The following LPP variants were observed in gnomAD, a reference collection of about 807,000 sequenced individuals.
LPP encodes LIM domain containing preferred translocation partner in lipoma.
LPP carries 38 observed loss-of-function variants against 60.4 expected under a neutral mutation model. That is an observed-to-expected ratio of 0.63 (90% confidence interval 0.49 to 0.83). The LOEUF (loss-of-function observed/expected upper bound fraction) is 0.83. Among genes scored for constraint, LPP ranks in the 40% least tolerant of loss-of-function variants. LPP has a pLI of 0.00. For missense variants in LPP, 902 were observed against 783.6 expected (o/e 1.15, Z -1.80); for synonymous variants, 328 against 290.8 (o/e 1.13, Z -1.30).
chr3:188,564,141 A>G (rs1831518756), intron 6 of LPP, among the ~76,000 whole-genome samples: 1 of 152,022 alleles, frequency 6.6e-6, no homozygotes, highest in Non-Finnish European at 1.5e-5. Context: ...AGTGTTTTGC[A>G]TAATCAGACT....
rs149062439 is a variant in LPP at position 188,309,285 on chromosome 3, T to G, written c.-66-32378T>G. Among the ~76,000 whole-genome samples, 1,275 of 152,118 alleles carry G rather than the reference T, an allele frequency of 8.4e-3. 24 individuals carry two copies. Among genetic ancestry groups the G allele is most frequent in the East Asian group, 0.046 (239 of 5,152 alleles). ...ATCCACCTGCCTTGCCCTCCCAAAG[T>G]GCTGGGATTACAGTCATGAGCCACC... On this transcript the variant is annotated intron_variant, in intron 2 of 11. Transcript: ENST00000617246.
At chr3:188,349,977 T>A (rs1385068992) in intron 3 of LPP, among the ~76,000 whole-genome samples, 1 of 152,202 alleles carries the variant, frequency 6.6e-6, no homozygotes, top group Non-Finnish European at 1.5e-5. Flanking sequence ...TGCTGCACGT[T>A]CAGCTGGTCT....
chr3:188,779,345 G>A (rs1738860691), intron 9 of LPP, among the ~76,000 whole-genome samples: 1 of 152,136 alleles, frequency 6.6e-6, no homozygotes, highest in Non-Finnish European at 1.5e-5. Context: ...ATTGACAGTA[G>A]AAAATCAGGA....
In LPP at chr3:188,352,720, A is replaced by G. The variant is rs1312627020; in HGVS notation, c.-10+11001A>G. ...TGTTCCAGCTGCATGCACGGCACTGAGCCCTGCCTGAGTGCGCACTTCAGT... is the reference window on the plus strand; with the variant it reads ...TGTTCCAGCTGCATGCACGGCACTGGGCCCTGCCTGAGTGCGCACTTCAGT... On this transcript the variant is annotated intron_variant, in intron 3 of 11. Coordinates refer to ENST00000617246, the MANE Select transcript of LPP (RefSeq NM_001375462.1). This position sits in a 1 kb window ranked among gnomAD's most constrained non-coding sequence, Gnocchi z 4.4. Among the ~76,000 whole-genome samples, 1 of 152,024 alleles carries G rather than the reference A, an allele frequency of 6.6e-6. No individual in the cohort carries two copies. The highest frequency in any genetic ancestry group is 1.5e-5 in the Non-Finnish European group (1 of 68,024).
At position 188,349,712 on chromosome 3, in the gene LPP, A is replaced by T. The variant is rs752058813; in HGVS notation, c.-10+7993A>T. Among the ~76,000 whole-genome samples, 63 of 152,180 alleles carry T rather than the reference A, an allele frequency of 4.1e-4. 1 individual carries two copies. The highest frequency in any genetic ancestry group is 8.5e-4 in the Non-Finnish European group (58 of 68,026). On this transcript the variant is annotated intron_variant, in intron 3 of 11. Transcript: ENST00000617246. ...TGCCCCATGGATGGCACGTATGGAGACTTTGTCTATACAACATTTTACCAC... is the reference window on the plus strand; with the variant it reads ...TGCCCCATGGATGGCACGTATGGAGTCTTTGTCTATACAACATTTTACCAC...
chr3:188,489,905 A>G (rs1456216374), intron 5 of LPP, among the ~76,000 whole-genome samples: 1 of 152,040 alleles, frequency 6.6e-6, no homozygotes, highest in Non-Finnish European at 1.5e-5. Context: ...TCATTTGCCT[A>G]CTATTCAGTA....
chr3:188,209,778 A>C (rs1211022678), intron 1 of LPP, among the ~76,000 whole-genome samples: 1 of 152,146 alleles, frequency 6.6e-6, no homozygotes, highest in Non-Finnish European at 1.5e-5. Context: ...TTTCTCAATA[A>C]AGTAGACAAG....
intron 1 of LPP, among the ~76,000 whole-genome samples, chr3:188,206,186 A>G (rs1019199024): frequency 6.6e-6 from 1 of 151,788 alleles, no homozygotes; most frequent in African/African-American, 2.4e-5. Context: ...TGGCTTTTTC[A>G]TTTTTTCAAG....
chr3:188,759,973 G>A, intron 8 of LPP, 140 bp from the exon 9 acceptor site: 1 of 665,670 alleles, frequency 1.5e-6, no homozygotes, highest in Non-Finnish European at 2.7e-6. Flanking sequence ...GGGGTAATGG[G>A]GTAATAGTAC....
At chr3:188,811,893 A>T (rs912362779) in intron 9 of LPP, among the ~76,000 whole-genome samples, 2 of 152,172 alleles carry the variant, frequency 1.3e-5, no homozygotes, top group Non-Finnish European at 2.9e-5. Context: ...GGTACATAAG[A>T]TGTTTTGATA....
chr3:188,219,630 TTCTAGTACTTAA>T (rs1715037263), intron 1 of LPP, among the ~76,000 whole-genome samples: 1 of 152,162 alleles, frequency 6.6e-6, no homozygotes, highest in African/African-American at 2.4e-5. Flanking sequence ...TTTATTACTT[TTCTAGTACTTAA>T]CAGTATTAAG....
intron 8 of LPP, chr3:188,711,020 T>G (rs1413702477): frequency 6.6e-6 from 1 of 152,236 alleles, no homozygotes; most frequent in Non-Finnish European, 1.5e-5. Context: ...CTTAGCCAAG[T>G]TCTTGGCATG....
rs145755685 is a variant in LPP at position 188,362,662 on chromosome 3, G to A, written c.-10+20943G>A. Among the ~76,000 whole-genome samples, 165 of 152,296 alleles carry A rather than the reference G, an allele frequency of 1.1e-3. 1 individual carries two copies. Among genetic ancestry groups the A allele is most frequent in the African/African-American group, 3.7e-3 (154 of 41,554 alleles). On this transcript the variant is annotated intron_variant, in intron 3 of 11. Transcript: ENST00000617246. Reference sequence around the variant, plus strand: ...TCTCTTCTTCAGGCTCTGAGTCATCGAGTTCACAATGCCATGTCTAGTCAG... The same window carrying A: ...TCTCTTCTTCAGGCTCTGAGTCATCAAGTTCACAATGCCATGTCTAGTCAG...
chr3:188,694,135 A>T (rs900919110), intron 7 of LPP, among the ~76,000 whole-genome samples: 5 of 152,056 alleles, frequency 3.3e-5, no homozygotes, highest in Non-Finnish European at 4.4e-5. Flanking sequence ...AGAATTGAAT[A>T]TTTTCTTAGC....
chr3:188,171,356 AT>A (rs1344953783), intron 1 of LPP, among the ~76,000 whole-genome samples: 1 of 152,040 alleles, frequency 6.6e-6, no homozygotes, highest in Non-Finnish European at 1.5e-5. Context: ...TTTTCTTTTT[AT>A]TGCCATTGCT....
At chr3:188,761,495 C>T (rs897150698) in intron 9 of LPP, among the ~76,000 whole-genome samples, 1 of 152,066 alleles carries the variant, frequency 6.6e-6, no homozygotes, top group African/African-American at 2.4e-5. Context: ...ACATGTAGAG[C>T]CATACAGTGG....
chr3:188,428,181 C>G (rs1789950749), intron 4 of LPP, among the ~76,000 whole-genome samples: 2 of 152,208 alleles, frequency 1.3e-5, no homozygotes, highest in Non-Finnish European at 1.5e-5. Flanking sequence ...TTCCCTGACC[C>G]CTTGTGCTTC....
chr3:188,251,353 C>A (rs888905219), intron 2 of LPP, among the ~76,000 whole-genome samples: 6 of 151,662 alleles, frequency 4.0e-5, no homozygotes, highest in African/African-American at 1.5e-4. Flanking sequence ...ATTCTCTGTC[C>A]CAGCCATGAA....
chr3:188,749,163 T>G (rs1246115384), intron 8 of LPP, among the ~76,000 whole-genome samples: 1 of 151,928 alleles, frequency 6.6e-6, no homozygotes, highest in Non-Finnish European at 1.5e-5. Flanking sequence ...GAAAATCTAC[T>G]GTTAGGTAGA....
Sources: allele counts gnomAD v4.1 joint callset (sites outside exome capture counted in the v4.1 genomes callset), GRCh38; gene constraint gnomAD v4.1.1; non-coding constraint Gnocchi (gnomAD v3.1); transcripts MANE v1.5; gene names NCBI Gene and HGNC (gene_info 2026-07-23, HGNC 2026-07-21).